Variants in NRXN1 observed in about 807,000 individuals in gnomAD.
NRXN1 encodes the protein neurexin 1.
NRXN1 carries 39 observed loss-of-function variants against 150.9 expected under a neutral mutation model. The observed-to-expected ratio is 0.26, with a 90% CI of 0.20 to 0.34. The LOEUF (loss-of-function observed/expected upper bound fraction) is 0.34, where lower values mean the gene tolerates loss of function less well. NRXN1 is among the 10% of genes least tolerant of loss of function. NRXN1 has a pLI of 1.00. For missense variants in NRXN1, 1,815 were observed against 1,949.9 expected (o/e 0.93, Z 1.30); for synonymous variants, 924 against 757.0 (o/e 1.22, Z -3.62).
At chr2:50,444,675 C>A (rs904107368) in intron 17 of NRXN1, among the ~76,000 whole-genome samples, 4 of 151,854 alleles carry the variant, frequency 2.6e-5, no homozygotes, top group African/African-American at 9.7e-5. Flanking sequence ...TAAATCAATA[C>A]CTTAAAAATC....
chr2:50,738,713 A>T lies in NRXN1; in HGVS notation c.833-115098T>A, dbSNP rs1699067761. Among the ~76,000 whole-genome samples the T allele has an allele frequency of 1.3e-5, 2 of 152,204 alleles. 1 individual carries two copies. The highest frequency in any genetic ancestry group is 4.1e-4 in the South Asian group (2 of 4,832). ...ATGTTTCAATAACCACATATTAAAA[A>T]TAACTTGCTAAAGAAAGGCCTTGAG... On this transcript the variant is annotated intron_variant, in intron 5 of 22. Transcript: ENST00000401669.
At chr2:50,747,095 G>A (rs1298525780) in intron 5 of NRXN1, among the ~76,000 whole-genome samples, 1 of 152,082 alleles carries the variant, frequency 6.6e-6, no homozygotes, top group Non-Finnish European at 1.5e-5. Flanking sequence ...AGATTATCAT[G>A]AGTGGTAAAG....
At chr2:50,600,927 C>T (rs1036225846) in intron 8 of NRXN1, among the ~76,000 whole-genome samples, 4 of 143,908 alleles carry the variant, frequency 2.8e-5, no homozygotes, top group East Asian at 2.2e-4. Flanking sequence ...CTTTCACATT[C>T]TAAGTTTATT....
At chr2:50,249,413 C>T (rs536049541) in intron 17 of NRXN1, among the ~76,000 whole-genome samples, 76 of 151,852 alleles carry the variant, frequency 5.0e-4, no homozygotes, top group South Asian at 2.9e-3. Flanking sequence ...AAAAACAATG[C>T]GGAGACAACA....
In NRXN1 at chr2:50,589,665, T is replaced by C. The variant is rs968214603; in HGVS notation, c.1320+30357A>G. 2.3e-4 allele frequency among the ~76,000 whole-genome samples: 8 copies of C among 35,454 alleles called. 3 individuals carry two copies. Among genetic ancestry groups the C allele is most frequent in the Admixed American group, 8.5e-4 (2 of 2,354 alleles). The allele number at this position is 35,454 out of a possible 152,430, so 23.3% of individuals were successfully genotyped here. A position where few individuals can be genotyped will look rare whatever the true frequency, so the allele number is the denominator to read the frequency against. ...CACCATGCCTGGCCAAAACAGGGAT[T>C]CTTATGCTCACTTTACCAATGAGGA... On this transcript the variant is annotated intron_variant, in intron 8 of 22. Transcript: ENST00000401669.
chr2:50,208,824 C>A (rs1204092846), intron 18 of NRXN1, among the ~76,000 whole-genome samples: 3 of 152,150 alleles, frequency 2.0e-5, no homozygotes, highest in Non-Finnish European at 1.5e-5. Context: ...AACGTGCTAA[C>A]ATTCTTGCGT....
intron 8 of NRXN1, among the ~76,000 whole-genome samples, chr2:50,584,394 C>G (rs1221687191): frequency 6.6e-6 from 1 of 152,196 alleles, no homozygotes; most frequent in African/African-American, 2.4e-5. Context: ...CATAAATACA[C>G]TTGTACTCAT....
At chr2:50,565,630 G>T (rs2105422662) in intron 8 of NRXN1, among the ~76,000 whole-genome samples, 1 of 152,006 alleles carries the variant, frequency 6.6e-6, no homozygotes, top group Non-Finnish European at 1.5e-5. Context: ...AATAGGATGA[G>T]AAAAAACAAT....
At chr2:50,883,157 C>T (rs1366558023) in intron 5 of NRXN1, among the ~76,000 whole-genome samples, 5 of 151,678 alleles carry the variant, frequency 3.3e-5, no homozygotes, top group Non-Finnish European at 5.9e-5. Context: ...TGTTTTGTGA[C>T]GAATATTCTA....
chr2:50,314,286 G>A (rs922172006), intron 17 of NRXN1, among the ~76,000 whole-genome samples: 1 of 151,916 alleles, frequency 6.6e-6, no homozygotes, highest in South Asian at 2.1e-4. Context: ...TGTGGACTCT[G>A]TATGATTTCT....
rs185529351 is a variant in NRXN1, at chr2:50,598,834, T to G, written c.1320+21188A>C. Among the ~76,000 whole-genome samples the G allele has an allele frequency of 4.2e-4, 64 of 151,686 alleles. 1 individual carries two copies. The highest frequency in any genetic ancestry group is 8.1e-4 in the Non-Finnish European group (55 of 67,948). ...GTGCAGTGCTGTGATCTTGGCTCAC[T>G]GCAACCTCCGCCTCCCAGGTTCAAG... On this transcript the variant is annotated intron_variant, in intron 8 of 22. Transcript: ENST00000401669.
intron 18 of NRXN1, chr2:50,175,286 A>T (rs917082558): frequency 1.3e-5 from 2 of 152,224 alleles, no homozygotes; most frequent in African/African-American, 4.8e-5. Flanking sequence ...TAAAGAAGTT[A>T]TAGGTAACAA....
chr2:51,007,045 T>A (rs1466740514), intron 2 of NRXN1, among the ~76,000 whole-genome samples: 1 of 151,968 alleles, frequency 6.6e-6, no homozygotes, highest in Admixed American at 6.6e-5. Context: ...CTAAGCTCAA[T>A]GACTTTACGT....
intron 15 of NRXN1, among the ~76,000 whole-genome samples, chr2:50,480,015 C>T (rs1352385442): frequency 3.9e-5 from 6 of 152,178 alleles, no homozygotes; most frequent in East Asian, 3.9e-4. Context: ...CTCAGATATC[C>T]GCCCGCCTTG....
At chr2:50,302,915 ATCC>A in intron 17 of NRXN1, among the ~76,000 whole-genome samples, 1 of 3,580 alleles carries the variant, frequency 2.8e-4, no homozygotes, top group Non-Finnish European at 4.8e-4. Flanking sequence ...CTACCAGGCC[ATCC>A]ATCCATCCAT....
rs185600009 is a variant in NRXN1 at position 50,187,725 on chromosome 2, G to A, written c.3546+49064C>T. 5.9e-4 allele frequency among the ~76,000 whole-genome samples: 89 copies of A among 152,096 alleles called. 1 individual carries two copies. The highest frequency in any genetic ancestry group is 1.5e-3 in the African/African-American group (63 of 41,564). ...CAATATTGATTCTTCTTATCCATGA[G>A]CATGGTTCCATTTGTGTCCTCTCTT... On this transcript the variant is annotated intron_variant, in intron 18 of 22. Coordinates refer to ENST00000401669, the MANE Select transcript of NRXN1 (RefSeq NM_001330078.2).
intron 17 of NRXN1, among the ~76,000 whole-genome samples, chr2:50,342,314 T>G (rs2077606233): frequency 6.6e-6 from 1 of 152,210 alleles, no homozygotes; most frequent in Non-Finnish European, 1.5e-5. Context: ...AAACAGCATT[T>G]AAGTGATATA....
At chr2:50,182,340 A>G (rs2060786033) in intron 18 of NRXN1, among the ~76,000 whole-genome samples, 1 of 152,080 alleles carries the variant, frequency 6.6e-6, no homozygotes, top group Admixed American at 6.6e-5. Flanking sequence ...GTATCATTTA[A>G]TGGAAAAGAA....
In NRXN1 at chr2:50,702,144, T is replaced by C. The variant is rs975882925; in HGVS notation, c.833-78529A>G. On this transcript the variant is annotated intron_variant, in intron 5 of 22. Coordinates refer to ENST00000401669, the MANE Select transcript of NRXN1 (RefSeq NM_001330078.2). ...TACATGGTCAGGTAAGTAGGATTAT[T>C]AGATATTCTTAGAAATTCACCGTGT... 2.0e-5 allele frequency among the ~76,000 whole-genome samples: 3 copies of C among 152,110 alleles called. No individual in the cohort carries two copies. In the South Asian group the frequency reaches 6.2e-4, roughly 31 times the overall value.
Sources: allele counts gnomAD v4.1 joint callset (sites outside exome capture counted in the v4.1 genomes callset), GRCh38; gene constraint gnomAD v4.1.1; transcripts MANE v1.5; gene names NCBI Gene and HGNC (gene_info 2026-07-23, HGNC 2026-07-21).